GIGYF2: variants seen among roughly 807,000 people sequenced by gnomAD.
GIGYF2 encodes GRB10 interacting GYF protein 2.
In GIGYF2, 25 loss-of-function variants were observed where a neutral mutation model predicts 208.1. The observed-to-expected ratio is 0.12, with a 90% CI of 0.09 to 0.17. The LOEUF (loss-of-function observed/expected upper bound fraction) is 0.17. Ranked by LOEUF, GIGYF2 falls within the 10% of genes least tolerant of loss-of-function variation. The probability of loss-of-function intolerance (pLI) is 1.00; values close to 1 mark genes in which losing one functional copy is unlikely to be tolerated. For missense variants in GIGYF2, 1,302 were observed against 1,579.4 expected, an observed-to-expected ratio of 0.82 and a Z score of 2.98; for synonymous variants, 534 against 543.8, an observed-to-expected ratio of 0.98 and a Z score of 0.25.
At chr2:232,843,205 G>A (rs1025282803) in intron 23 of GIGYF2, among the ~76,000 whole-genome samples, 1 of 149,350 alleles carries the variant, frequency 6.7e-6, no homozygotes, top group African/African-American at 2.5e-5. Context: ...TTTGGTGGGG[G>A]CTTTAGGAAG....
At chr2:232,755,927 A>C (rs1339020754) in intron 5 of GIGYF2, among the ~76,000 whole-genome samples, 2 of 152,148 alleles carry the variant, frequency 1.3e-5, no homozygotes, top group Non-Finnish European at 2.9e-5. Context: ...CTACTTGTGT[A>C]TATATAGAGT....
chr2:232,739,520 TA>T (rs900277587), intron 3 of GIGYF2, among the ~76,000 whole-genome samples: 2 of 146,768 alleles, frequency 1.4e-5, no homozygotes, highest in Non-Finnish European at 1.5e-5. Flanking sequence ...CAAAAAAAAT[TA>T]AAAAAAAATT....
chr2:232,825,989 A>G (rs1249075431), intron 21 of GIGYF2, among the ~76,000 whole-genome samples: 2 of 152,164 alleles, frequency 1.3e-5, no homozygotes, highest in Non-Finnish European at 1.5e-5. Flanking sequence ...TTTGCTTAGA[A>G]TGATGATTTC....
In GIGYF2 at chr2:232,756,172, TTTTC is replaced by T. The variant is rs780914828; in HGVS notation, c.268-43_268-40del. The T allele has an allele frequency of 3.4e-5, 38 of 1,118,180 alleles. No individual in the cohort carries two copies. The South Asian group carries it at 3.9e-4, about 11-fold the overall frequency. 69.3% of individuals were successfully genotyped at this position (1,118,180 alleles called of 1,614,324 possible). ...GTAGTTTTATCTGTTTCATCCATTT[TTTTC>T]TTTCTTTTTTTCCTTTTTCTCTTTT... On this transcript the variant is annotated intron_variant, in intron 5 of 28. Coordinates refer to ENST00000373563, the MANE Select transcript of GIGYF2 (RefSeq NM_001103146.3).
chr2:232,824,980 C>G (rs1701205325), intron 21 of GIGYF2, among the ~76,000 whole-genome samples: 1 of 152,182 alleles, frequency 6.6e-6, no homozygotes, highest in Non-Finnish European at 1.5e-5. Flanking sequence ...ACAGCAAAGC[C>G]TGGATGACAG....
chr2:232,855,138 G>A (rs548872838), intron 28 of GIGYF2, among the ~76,000 whole-genome samples: 2 of 138,958 alleles, frequency 1.4e-5, no homozygotes, highest in Non-Finnish European at 3.0e-5. Flanking sequence ...CCAGGCTGGA[G>A]TGCAGTGATG....
rs187470798 is a variant in GIGYF2, at chr2:232,783,930, C to T, written c.533-3220C>T. 1.2e-4 allele frequency among the ~76,000 whole-genome samples: 19 copies of T among 152,252 alleles called. No individual in the cohort carries two copies. The South Asian group carries it at 1.5e-3, about 12-fold the overall frequency. On this transcript the variant is annotated intron_variant, in intron 8 of 28. Coordinates refer to ENST00000373563, the MANE Select transcript of GIGYF2 (RefSeq NM_001103146.3). ...CTCGAACTTCTGACCTCAGGTGATCCGCCCGCCTCGGCCTCCCAAAGTGCA... is the reference window on the plus strand; with the variant it reads ...CTCGAACTTCTGACCTCAGGTGATCTGCCCGCCTCGGCCTCCCAAAGTGCA...
intron 1 of GIGYF2, among the ~76,000 whole-genome samples, chr2:232,699,862 A>T (rs1695768442): frequency 1.3e-5 from 2 of 152,208 alleles, no homozygotes; most frequent in Admixed American, 6.5e-5. Flanking sequence ...TATATCCTTC[A>T]CATTTTACAC....
Position 232,786,883 on chromosome 2 carries a change from T to C in GIGYF2, c.533-267T>C, listed in dbSNP as rs373032398. Among the ~76,000 whole-genome samples, 18 of 152,278 alleles carry C rather than the reference T, an allele frequency of 1.2e-4. No individual in the cohort carries two copies. In the East Asian group the frequency reaches 2.9e-3, roughly 24 times the overall value. ...GGGGAGTACGACTCTGAGGGTCTTG[T>C]GTAGGAAGATGGACTTTTCATTGTA... On this transcript the variant is annotated intron_variant, in intron 8 of 28. Transcript: ENST00000373563.
At chr2:232,850,730 C>T (rs1382358866) in intron 28 of GIGYF2, among the ~76,000 whole-genome samples, 3 of 152,030 alleles carry the variant, frequency 2.0e-5, no homozygotes, top group African/African-American at 2.4e-5. Flanking sequence ...TAATAATGAA[C>T]GATACTAAAA....
At chr2:232,771,363 C>T in intron 8 of GIGYF2, 1 of 1,603,864 alleles carries the variant, frequency 6.2e-7, no homozygotes, top group South Asian at 1.1e-5. Context: ...TGCTGTCCAT[C>T]TCAGGCTGTA....
intron 2 of GIGYF2, among the ~76,000 whole-genome samples, chr2:232,709,501 A>G (rs906017163): frequency 6.6e-6 from 1 of 152,034 alleles, no homozygotes; most frequent in Non-Finnish European, 1.5e-5. Context: ...TTTTTATTGC[A>G]TTTTACTTTT....
chr2:232,809,739 G>A lies in GIGYF2; in HGVS notation c.1826G>A (p.Arg609Gln), dbSNP rs1700674399. ...PPHMGELDQERLTRQQELTAL... is the reference protein window; with the variant it reads ...PPHMGELDQEQLTRQQELTAL... ...TCCTAGGGAGAGCTGGACCAGGAAC[G>A]ACTGACCAGGCAGCAAGAACTCACA... The change falls in exon 16 of 29, where the codon CGA (arginine) becomes CAA (glutamine). Residue 609 changes from arginine to glutamine, a missense_variant. Transcript: ENST00000373563. 1 of 1,609,402 alleles carries A rather than the reference G, an allele frequency of 6.2e-7. No homozygotes were observed.
rs551945899 is a variant in GIGYF2 at position 232,856,000 on chromosome 2, G to A, written c.3833-793G>A. Among the ~76,000 whole-genome samples, 5 of 151,868 alleles carry A rather than the reference G, an allele frequency of 3.3e-5. 1 individual carries two copies. Among genetic ancestry groups the A allele is most frequent in the South Asian group, 4.2e-4 (2 of 4,786 alleles). ...GGCTGGAGTGCAGTGGCGCGATCTC[G>A]GCTCACTGCAAGCTCCTTCGACCAG... On this transcript the variant is annotated intron_variant, in intron 28 of 28. Coordinates refer to ENST00000373563, the MANE Select transcript of GIGYF2 (RefSeq NM_001103146.3).
At chr2:232,759,310 C>T (rs1010737288) in intron 6 of GIGYF2, among the ~76,000 whole-genome samples, 3 of 152,104 alleles carry the variant, frequency 2.0e-5, no homozygotes, top group African/African-American at 4.8e-5. Flanking sequence ...GAGCTAGGGA[C>T]GATGGCTAAG....
chr2:232,809,243 T>C (rs1367019954), intron 15 of GIGYF2, among the ~76,000 whole-genome samples: 2 of 152,196 alleles, frequency 1.3e-5, no homozygotes, highest in Non-Finnish European at 2.9e-5. Flanking sequence ...ACGCCCGGCC[T>C]CTTTTTATAT....
rs1176533362 is a variant in GIGYF2 at position 232,859,563 on chromosome 2, T to C, written c.*2703T>C. The C allele has an allele frequency of 6.6e-6, 1 of 152,292 alleles. No homozygotes were observed. Among genetic ancestry groups the C allele is most frequent in the Admixed American group, 6.5e-5 (1 of 15,276 alleles). 9.4% of individuals were successfully genotyped at this position (152,292 alleles called of 1,614,324 possible). A position where few individuals can be genotyped will look rare whatever the true frequency, so the allele number is the denominator to read the frequency against. On this transcript the variant is annotated 3_prime_UTR_variant, in exon 29 of 29. Coordinates refer to ENST00000373563, the MANE Select transcript of GIGYF2 (RefSeq NM_001103146.3). Reference sequence around the variant, plus strand: ...CTGTGCATAACAGATTCCCTCCAGATTGGCTTACAACAGCTACTTCATTCT... The same window carrying C: ...CTGTGCATAACAGATTCCCTCCAGACTGGCTTACAACAGCTACTTCATTCT...
At position 232,776,691 on chromosome 2, in the gene GIGYF2, G is replaced by C; in HGVS notation, c.533-10459G>C. The stretch of plus-strand genomic sequence containing the variant: ...TCTGATCATGTGGAAAAGAATGCTG[G>C]TTTGTTAGGAGGTCTTTCTTTACCC... On this transcript the variant is annotated intron_variant, in intron 8 of 28. Transcript: ENST00000373563. The C allele has an allele frequency of 3.8e-6, 2 of 529,506 alleles. 1 individual carries two copies. Among genetic ancestry groups the C allele is most frequent in the South Asian group, 5.3e-5 (2 of 37,422 alleles). 32.8% of individuals were successfully genotyped at this position (529,506 alleles called of 1,614,324 possible). A position where few individuals can be genotyped will look rare whatever the true frequency, so the allele number is the denominator to read the frequency against.
At chr2:232,851,321 TGAAAGAATGGCA>T (rs1403675221) in intron 28 of GIGYF2, among the ~76,000 whole-genome samples, 1 of 152,208 alleles carries the variant, frequency 6.6e-6, no homozygotes. Context: ...ATTTGGGCTT[TGAAAGAATGGCA>T]GAAAGGATGG....
Sources: allele counts gnomAD v4.1 joint callset (sites outside exome capture counted in the v4.1 genomes callset), GRCh38; gene constraint gnomAD v4.1.1; transcripts MANE v1.5; gene names NCBI Gene and HGNC (gene_info 2026-07-23, HGNC 2026-07-21).